TENM3: variants seen among roughly 807,000 people sequenced by gnomAD.
TENM3 encodes teneurin-3.
In TENM3, 63 loss-of-function variants were observed where a neutral mutation model predicts 255.1. That is an observed-to-expected ratio of 0.25 (90% CI 0.20 to 0.30). TENM3 has a LOEUF of 0.30. Ranked by LOEUF, TENM3 falls within the 10% of genes least tolerant of loss-of-function variation. TENM3 has a pLI of 1.00. For missense variants in TENM3, 2,929 were observed against 3,461.1 expected (o/e 0.85, Z 3.86); for synonymous variants, 1,306 against 1,322.3 (o/e 0.99, Z 0.27).
At chr4:181,990,652 G>A in the TENM3 span, among the ~76,000 whole-genome samples, 1 of 152,108 alleles carries the variant, frequency 6.6e-6, no homozygotes, top group Admixed American at 6.6e-5. Flanking sequence ...TGAATGTTGT[G>A]TAGTAATAAG....
At chr4:181,482,484 A>G in the TENM3 span, among the ~76,000 whole-genome samples, 1 of 152,194 alleles carries the variant, frequency 6.6e-6, no homozygotes, top group Non-Finnish European at 1.5e-5. Flanking sequence ...AGAGTTACAA[A>G]TGCATAGGTG....
the TENM3 span, among the ~76,000 whole-genome samples, chr4:181,915,924 T>G: frequency 1.3e-5 from 2 of 152,116 alleles, no homozygotes; most frequent in Non-Finnish European, 2.9e-5. Context: ...TGAAGAAAAC[T>G]CCAATACAGG....
the TENM3 span, among the ~76,000 whole-genome samples, chr4:182,047,304 C>G: frequency 7.4e-4 from 112 of 152,162 alleles, no homozygotes; most frequent in African/African-American, 2.5e-3. Flanking sequence ...TGGCTCATGC[C>G]TGTAATCCCA....
At chr4:181,481,154 C>CT in the TENM3 span, among the ~76,000 whole-genome samples, 15 of 150,642 alleles carry the variant, frequency 1.0e-4, no homozygotes, top group East Asian at 1.4e-3. Flanking sequence ...ACTCTCTTTT[C>CT]TTTTTTTTTG....
At chr4:182,719,625 A>C (rs867136145) in intron 13 of TENM3, among the ~76,000 whole-genome samples, 1 of 152,032 alleles carries the variant, frequency 6.6e-6, no homozygotes. Flanking sequence ...TGTACCTAAA[A>C]CAGGCCATTT....
chr4:182,674,313 C>G (rs560251478), intron 7 of TENM3, among the ~76,000 whole-genome samples: 19 of 152,136 alleles, frequency 1.2e-4, no homozygotes, highest in African/African-American at 4.3e-4. Flanking sequence ...GAAATTATAT[C>G]TTTAAAGGAA....
At chr4:181,520,390 C>T in the TENM3 span, among the ~76,000 whole-genome samples, 1 of 152,060 alleles carries the variant, frequency 6.6e-6, no homozygotes, top group Admixed American at 6.5e-5. Context: ...TTCACCTTTG[C>T]AACTGTCATG....
chr4:182,441,583 T>C (rs4862068), intron 3 of TENM3, among the ~76,000 whole-genome samples: 150,880 of 152,298 alleles, frequency 0.99, 74,754 homozygotes, highest in East Asian at 1. Flanking sequence ...CCACAACCTC[T>C]GCCTCCCAGG....
intron 1 of TENM3, among the ~76,000 whole-genome samples, chr4:182,253,007 G>A (rs748080799): frequency 9.9e-5 from 15 of 152,122 alleles, no homozygotes; most frequent in South Asian, 2.1e-4. Context: ...GAACTCTGCC[G>A]GCAGACACGA....
At chr4:181,942,843 A>G in the TENM3 span, among the ~76,000 whole-genome samples, 2 of 152,214 alleles carry the variant, frequency 1.3e-5, no homozygotes, top group African/African-American at 4.8e-5. Flanking sequence ...CATATTGTAA[A>G]GGTACTTAGC....
chr4:182,186,631 C>A (rs2149766195), intron 1 of TENM3, among the ~76,000 whole-genome samples: 1 of 150,758 alleles, frequency 6.6e-6, no homozygotes, highest in African/African-American at 2.4e-5. Flanking sequence ...AATGTATTGA[C>A]TTCTGGATCA....
At chr4:182,019,362 C>T in the TENM3 span, among the ~76,000 whole-genome samples, 2 of 152,154 alleles carry the variant, frequency 1.3e-5, no homozygotes, top group South Asian at 4.1e-4. Context: ...TCCCTCTTGT[C>T]CTCTGCTCCT....
At chr4:182,401,126 C>T (rs1030587089) in intron 3 of TENM3, among the ~76,000 whole-genome samples, 1 of 151,972 alleles carries the variant, frequency 6.6e-6, no homozygotes, top group African/African-American at 2.4e-5. Context: ...GTTTTTTTCC[C>T]GATGATGGAT....
At chr4:182,579,493 A>C (rs1014120259) in intron 3 of TENM3, among the ~76,000 whole-genome samples, 1 of 152,216 alleles carries the variant, frequency 6.6e-6, no homozygotes, top group African/African-American at 2.4e-5. Flanking sequence ...TGGGGATTTC[A>C]GTGGAAAGGT....
At chr4:181,656,194 C>T in the TENM3 span, among the ~76,000 whole-genome samples, 3 of 152,122 alleles carry the variant, frequency 2.0e-5, no homozygotes, top group African/African-American at 7.2e-5. Flanking sequence ...GCTTTTGAGG[C>T]ACCTATCTGC....
At chr4:181,551,832 A>G in the TENM3 span, among the ~76,000 whole-genome samples, 8 of 20,488 alleles carry the variant, frequency 3.9e-4, no homozygotes, top group African/African-American at 5.8e-4. Flanking sequence ...ATATATATAT[A>G]TGTATATGTG....
intron 4 of TENM3, among the ~76,000 whole-genome samples, chr4:182,611,114 A>C (rs6818350): frequency 0.19 from 29,018 of 151,944 alleles, 3,266 homozygotes; most frequent in African/African-American, 0.3. Context: ...GTTAGTGGCA[A>C]TACTCAGCTA....
chr4:182,009,269 C>T, the TENM3 span, among the ~76,000 whole-genome samples: 1 of 152,096 alleles, frequency 6.6e-6, no homozygotes, highest in African/African-American at 2.4e-5. Flanking sequence ...TTGGTGGAGA[C>T]AGTGTGTTTC....
chr4:182,009,953 C>T, the TENM3 span, among the ~76,000 whole-genome samples: 1 of 152,164 alleles, frequency 6.6e-6, no homozygotes, highest in Non-Finnish European at 1.5e-5. Context: ...AGGGGGTTCC[C>T]CTTTCCCATG....
Sources: allele counts gnomAD v4.1 joint callset (sites outside exome capture counted in the v4.1 genomes callset), GRCh38; gene constraint gnomAD v4.1.1; transcripts MANE v1.5; gene names NCBI Gene and HGNC (gene_info 2026-07-23, HGNC 2026-07-21).